Variants in CSTPP1 observed in about 807,000 individuals in gnomAD.
CSTPP1 encodes centriolar satellite-associated tubulin polyglutamylase complex regulator 1, also known as UPF0705 protein C11orf49.
chr11:47,022,357 CCTTTTTTTTT>C, the CSTPP1 span, among the ~76,000 whole-genome samples: 8 of 113,744 alleles, frequency 7.0e-5, no homozygotes, highest in African/African-American at 2.7e-4. Flanking sequence ...TTTCATATGT[CCTTTTTTTTT>C]TTTTTTTTTT....
chr11:47,017,114 G>A, the CSTPP1 span, among the ~76,000 whole-genome samples: 2 of 148,694 alleles, frequency 1.3e-5, no homozygotes, highest in East Asian at 4.0e-4. Context: ...GCCTCTTAAA[G>A]TGCTGGGATT....
At chr11:47,061,975 G>A in the CSTPP1 span, among the ~76,000 whole-genome samples, 5 of 151,836 alleles carry the variant, frequency 3.3e-5, no homozygotes, top group Non-Finnish European at 5.9e-5. Flanking sequence ...TTCCTGGAAT[G>A]CTTTTGTCAC....
chr11:47,128,892 A>G, the CSTPP1 span, among the ~76,000 whole-genome samples: 1 of 152,108 alleles, frequency 6.6e-6, no homozygotes, highest in East Asian at 1.9e-4. Context: ...CCCCCCTAAA[A>G]CAACATAAAA....
At chr11:47,106,222 G>A in the CSTPP1 span, among the ~76,000 whole-genome samples, 8 of 152,168 alleles carry the variant, frequency 5.3e-5, no homozygotes, top group African/African-American at 1.9e-4. Context: ...TGAACGCCTG[G>A]TTTATTACTT....
chr11:47,004,233 T>C, the CSTPP1 span: 1 of 151,702 alleles, frequency 6.6e-6, no homozygotes, highest in Non-Finnish European at 1.5e-5. Flanking sequence ...CAGGCTGGAG[T>C]TGTAGCACAA....
At chr11:47,141,932 CAAAAAAAAAAAA>C in the CSTPP1 span, among the ~76,000 whole-genome samples, 3 of 37,868 alleles carry the variant, frequency 7.9e-5, no homozygotes, top group Non-Finnish European at 1.4e-4. Context: ...GACTCTGTCT[CAAAAAAAAAAAA>C]AAAAAAAAAA....
At chr11:47,074,501 GA>G in the CSTPP1 span, among the ~76,000 whole-genome samples, 11 of 115,196 alleles carry the variant, frequency 9.5e-5, no homozygotes, top group African/African-American at 2.4e-4. Flanking sequence ...TCCTGTCTCA[GA>G]AAAAAAAAAA....
the CSTPP1 span, among the ~76,000 whole-genome samples, chr11:47,016,390 C>CAAAAAAAAAAAA: frequency 2.9e-4 from 36 of 125,766 alleles, no homozygotes; most frequent in East Asian, 1.4e-3. Flanking sequence ...ATGGAATCTA[C>CAAAAAAAAAAAA]AAAAAACAAA....
chr11:47,108,162 C>A, the CSTPP1 span, among the ~76,000 whole-genome samples: 1 of 152,240 alleles, frequency 6.6e-6, no homozygotes, highest in Non-Finnish European at 1.5e-5. Flanking sequence ...TCTGGCACAA[C>A]CCTTAATTAC....
chr11:47,030,591 G>A, the CSTPP1 span, among the ~76,000 whole-genome samples: 1 of 152,102 alleles, frequency 6.6e-6, no homozygotes, highest in Non-Finnish European at 1.5e-5. Flanking sequence ...TGTTGTGGGG[G>A]TTTGTGGTAC....
the CSTPP1 span, among the ~76,000 whole-genome samples, chr11:47,079,412 A>G: frequency 1.3e-5 from 2 of 152,216 alleles, no homozygotes; most frequent in African/African-American, 4.8e-5. Context: ...CTGAGTCAAG[A>G]GAGCTTGGTG....
the CSTPP1 span, among the ~76,000 whole-genome samples, chr11:46,953,356 G>A: frequency 6.6e-6 from 1 of 152,180 alleles, no homozygotes; most frequent in African/African-American, 2.4e-5. Flanking sequence ...GGAGAAACTT[G>A]AGTATGTTTT....
At chr11:46,945,674 C>T in the CSTPP1 span, among the ~76,000 whole-genome samples, 1 of 152,056 alleles carries the variant, frequency 6.6e-6, no homozygotes, top group Non-Finnish European at 1.5e-5. Flanking sequence ...TCACCTCTTT[C>T]TTTCCTTTTC....
At chr11:47,037,246 TATAA>T in the CSTPP1 span, among the ~76,000 whole-genome samples, 1 of 126,330 alleles carries the variant, frequency 7.9e-6, no homozygotes, top group Non-Finnish European at 1.9e-5. Flanking sequence ...TCCACAATGA[TATAA>T]ATAAATAAGA....
the CSTPP1 span, among the ~76,000 whole-genome samples, chr11:47,144,980 ATTTTTTTTTTTTT>A: frequency 1.2e-4 from 11 of 92,922 alleles, no homozygotes; most frequent in African/African-American, 3.4e-4. Flanking sequence ...ATTGCCTGCC[ATTTTTTTTTTTTT>A]TTTTTTTTTT....
chr11:47,139,853 TG>T, the CSTPP1 span, among the ~76,000 whole-genome samples: 1 of 152,070 alleles, frequency 6.6e-6, no homozygotes, highest in African/African-American at 2.4e-5. Context: ...AATCCAGAGA[TG>T]GGGGATCGGG....
At chr11:47,106,488 C>T in the CSTPP1 span, among the ~76,000 whole-genome samples, 1,438 of 152,022 alleles carry the variant, frequency 9.5e-3, 13 homozygotes, top group South Asian at 0.046. Context: ...ACTAAAAATA[C>T]AAAAATTAGC....
the CSTPP1 span, among the ~76,000 whole-genome samples, chr11:47,025,150 G>A: frequency 2.0e-4 from 30 of 152,158 alleles, no homozygotes; most frequent in South Asian, 6.2e-4. Context: ...TTGGGAATAT[G>A]AGTGCTTAAA....
At chr11:47,059,903 C>T in the CSTPP1 span, among the ~76,000 whole-genome samples, 5 of 151,856 alleles carry the variant, frequency 3.3e-5, no homozygotes, top group South Asian at 2.1e-4. Flanking sequence ...CAGAAGTTTG[C>T]GACCAGCCTG....
Sources: allele counts gnomAD v4.1 joint callset (sites outside exome capture counted in the v4.1 genomes callset), GRCh38; gene constraint gnomAD v4.1.1; transcripts MANE v1.5; gene names NCBI Gene and HGNC (gene_info 2026-07-23, HGNC 2026-07-21).